Variants in SYCP2L observed in about 807,000 individuals in gnomAD.
SYCP2L encodes the protein synaptonemal complex protein 2-like.
In SYCP2L, 98 loss-of-function variants were observed where a neutral mutation model predicts 125.8. The ratio of observed to expected loss-of-function variants is 0.78; its 90% CI spans 0.66 to 0.92. SYCP2L has a LOEUF of 0.92. SYCP2L is among the 40% of genes least tolerant of loss of function. The pLI is 0.00. For synonymous variants in SYCP2L, 317 were observed against 325.4 expected (o/e 0.97, Z 0.28); for missense variants, 842 against 936.4 (o/e 0.90, Z 1.32).
intron 20 of SYCP2L, among the ~76,000 whole-genome samples, chr6:10,932,190 A>T (rs1781008392): frequency 6.6e-6 from 1 of 152,044 alleles, no homozygotes; most frequent in African/African-American, 2.4e-5. Flanking sequence ...TTTATTTTGC[A>T]AGTGCTTAGG....
At chr6:10,958,665 C>A in intron 25 of SYCP2L, 119 bp from the exon 26 acceptor site, 1 of 892,836 alleles carries the variant, frequency 1.1e-6, no homozygotes, top group Non-Finnish European at 1.7e-6. Context: ...ACTTGCTTAG[C>A]ACTCACATTT....
chr6:10,971,222 G>C (rs1781764061), intron 29 of SYCP2L, among the ~76,000 whole-genome samples: 1 of 152,018 alleles, frequency 6.6e-6, no homozygotes, highest in African/African-American at 2.4e-5. Flanking sequence ...ACTTTGGGAG[G>C]CCGAGGCAGG....
At chr6:10,904,287 A>G (rs187659827) in intron 8 of SYCP2L, among the ~76,000 whole-genome samples, 17 of 152,288 alleles carry the variant, frequency 1.1e-4, no homozygotes, top group African/African-American at 1.7e-4. Flanking sequence ...GTGACCATAC[A>G]AACAACAAAA....
chr6:10,887,251 G>A, intron 1 of SYCP2L, 116 bp downstream of exon 1: 2 of 1,386,252 alleles, frequency 1.4e-6, no homozygotes, highest in Non-Finnish European at 2.0e-6. Context: ...GAGACCGGGT[G>A]CTGGGCATAG....
intron 29 of SYCP2L, among the ~76,000 whole-genome samples, chr6:10,966,035 C>A (rs1263941234): frequency 6.6e-6 from 1 of 152,142 alleles, no homozygotes; most frequent in Non-Finnish European, 1.5e-5. Flanking sequence ...ATTGCTTGAA[C>A]CCAGGAGGCA....
At chr6:10,937,776 CAACA>C (rs1781127458) in intron 21 of SYCP2L, among the ~76,000 whole-genome samples, 2 of 152,184 alleles carry the variant, frequency 1.3e-5, no homozygotes, top group Admixed American at 1.3e-4. Context: ...TAAGCCATTA[CAACA>C]AACAAATTAT....
At chr6:10,963,508 A>G (rs1230468272) in intron 28 of SYCP2L, 1 of 399,268 alleles carries the variant, frequency 2.5e-6, no homozygotes, top group Non-Finnish European at 4.6e-6. Flanking sequence ...CCTAGCTTAG[A>G]ACTACAAGGT....
chr6:10,921,706 C>A (rs959969036), intron 14 of SYCP2L, among the ~76,000 whole-genome samples: 12 of 151,592 alleles, frequency 7.9e-5, no homozygotes, highest in Non-Finnish European at 1.5e-4. Context: ...TGTCCTTTGA[C>A]CACCTTTTTT....
intron 21 of SYCP2L, among the ~76,000 whole-genome samples, chr6:10,941,798 T>C (rs1395886925): frequency 2.0e-5 from 3 of 152,144 alleles, no homozygotes; most frequent in African/African-American, 7.2e-5. Flanking sequence ...GCCATCCCAT[T>C]ACTGGGTATA....
intron 1 of SYCP2L, among the ~76,000 whole-genome samples, chr6:10,887,363 A>T (rs757418863): frequency 1.4e-4 from 22 of 152,236 alleles, no homozygotes; most frequent in Admixed American, 1.2e-3. Flanking sequence ...GCGCTCAGGG[A>T]AAGGGGAACC....
At chr6:10,895,580 G>A (rs796273661) in intron 4 of SYCP2L, among the ~76,000 whole-genome samples, 13 of 152,016 alleles carry the variant, frequency 8.6e-5, no homozygotes, top group African/African-American at 2.4e-4. Flanking sequence ...GCTTGCTACC[G>A]TGGCGTGCCT....
chr6:10,891,374 G>C, intron 1 of SYCP2L, 139 bp from the exon 2 acceptor site: 1 of 660,558 alleles, frequency 1.5e-6, no homozygotes, highest in Admixed American at 3.1e-5. Flanking sequence ...CCTATAATAT[G>C]AGCAAACAAA....
At chr6:10,933,972 T>C (rs924578864) in intron 20 of SYCP2L, among the ~76,000 whole-genome samples, 3 of 152,216 alleles carry the variant, frequency 2.0e-5, no homozygotes, top group African/African-American at 7.2e-5. Context: ...ATTGATCATT[T>C]AGGATTTTCA....
rs899994973 is a variant in SYCP2L at position 10,961,678 on chromosome 6, T to G, written c.2414+120T>G. 7.1e-6 allele frequency: 7 copies of G among 983,616 alleles called. No individual in the cohort carries two copies. The African/African-American group carries it at 1.1e-4, about 16-fold the overall frequency. The allele number at this position is 983,616 out of a possible 1,614,324, so 60.9% of individuals were successfully genotyped here. ...CATAACTAATGAAATAGCTGCATCT[T>G]TTGAACCGGCCACTTCTGTGGCACC... On this transcript the variant is annotated intron_variant, in intron 28 of 29. Coordinates refer to ENST00000283141, the MANE Select transcript of SYCP2L (RefSeq NM_001040274.3).
chr6:10,971,221 G>T (rs1781764018), intron 29 of SYCP2L, among the ~76,000 whole-genome samples: 1 of 152,066 alleles, frequency 6.6e-6, no homozygotes, highest in South Asian at 2.1e-4. Flanking sequence ...CACTTTGGGA[G>T]GCCGAGGCAG....
In SYCP2L at chr6:10,935,093, C is replaced by T. The variant is rs748554842; in HGVS notation, c.1719C>T (p.Pro573=). The T allele has an allele frequency of 8.1e-6, 13 of 1,611,608 alleles. No individual in the cohort carries two copies. Among genetic ancestry groups the T allele is most frequent in the Middle Eastern group, 1.7e-4 (1 of 6,052 alleles). Residue 573 remains proline, a synonymous_variant, in exon 21 of 30, where the codon CCC becomes CCT. Transcript: ENST00000283141. Reference sequence around the variant, plus strand: ...TATCACCATCAGAGAAAGAAATACCCGAGCAAAATAACACCACATCTCCAA... The same window carrying T: ...TATCACCATCAGAGAAAGAAATACCTGAGCAAAATAACACCACATCTCCAA... ...KLLSPSEKEI[P]EQNNTTSPKT...
chr6:10,910,437 G>A (rs1185271686), intron 11 of SYCP2L, among the ~76,000 whole-genome samples: 1 of 151,930 alleles, frequency 6.6e-6, no homozygotes, highest in Non-Finnish European at 1.5e-5. Context: ...TGTGACTTGG[G>A]GTATTTTAAA....
intron 23 of SYCP2L, among the ~76,000 whole-genome samples, chr6:10,945,973 G>A (rs1439728697): frequency 6.6e-6 from 1 of 152,006 alleles, no homozygotes. Context: ...TTTCATGACT[G>A]ACATATGTGT....
chr6:10,931,505 C>G lies in SYCP2L; in HGVS notation c.1683+16C>G. ...GAAAGACCAAGTAAGTACATTGTAT[C>G]TGGGTTGCTGTGTGCCCTGTGAGTT... On this transcript the variant is annotated intron_variant, in intron 20 of 29. Coordinates refer to ENST00000283141, the MANE Select transcript of SYCP2L (RefSeq NM_001040274.3). The G allele has an allele frequency of 6.2e-7, 1 of 1,612,760 alleles. No homozygotes were observed. Among genetic ancestry groups the G allele is most frequent in the Non-Finnish European group, 8.5e-7 (1 of 1,178,860 alleles).
Sources: gnomAD v4.1 joint callset for allele counts (sites outside exome capture counted in the v4.1 genomes callset) on GRCh38, gnomAD v4.1.1 for gene constraint, MANE v1.5 for transcripts, NCBI Gene and HGNC (gene_info 2026-07-23, HGNC 2026-07-21) for gene names.